Variants in DEPDC5 observed in about 807,000 individuals in gnomAD.
DEPDC5 encodes the protein DEP domain containing 5, GATOR1 subcomplex subunit.
In DEPDC5, 73 loss-of-function variants were observed where a neutral mutation model predicts 217.3. The observed-to-expected ratio is 0.34, with a 90% CI of 0.28 to 0.41. DEPDC5 has a LOEUF of 0.41. DEPDC5 is among the 10% of genes least tolerant of loss of function. The probability of loss-of-function intolerance (pLI) is 1.00; values close to 1 mark genes in which losing one functional copy is unlikely to be tolerated. For missense variants in DEPDC5, 1,675 were observed against 2,070.1 expected (o/e 0.81, Z 3.70); for synonymous variants, 733 against 756.7 (o/e 0.97, Z 0.51).
chr22:31,882,770 C>T (rs765400931), intron 38 of DEPDC5, among the ~76,000 whole-genome samples: 30 of 151,518 alleles, frequency 2.0e-4, no homozygotes, highest in Non-Finnish European at 4.0e-4. Context: ...TGTTCCTTCT[C>T]TTCTTTCTCC....
rs1346869002 is a variant in DEPDC5 at position 31,879,687 on chromosome 22, A to G, written c.3968A>G (p.Tyr1323Cys). The change falls in exon 38 of 43, where the codon TAT becomes TGT. Residue 1323 changes from tyrosine to cysteine, a missense_variant. Tyr to Cys is a radical substitution (Grantham distance 194). Transcript: ENST00000651528. ...LPWLPSRPAS[Y>C]ASRHSSFSRS... ...TGGCTGCCTAGCCGGCCAGCCTCCT[A>G]TGCAAGTAGGCACAGCTCCTTTAGC... 1.2e-6 allele frequency: 2 copies of G among 1,613,984 alleles called. No individual in the cohort carries two copies. The highest frequency in any genetic ancestry group is 1.7e-6 in the Non-Finnish European group (2 of 1,180,026).
intron 33 of DEPDC5, among the ~76,000 whole-genome samples, chr22:31,863,062 C>T (rs1367838571): frequency 6.6e-6 from 1 of 152,174 alleles, no homozygotes; most frequent in Non-Finnish European, 1.5e-5. Context: ...GTTGCCCAGG[C>T]TGGTCAACTC....
chr22:31,866,627 G>A (rs1229757304), intron 33 of DEPDC5, among the ~76,000 whole-genome samples: 2 of 151,978 alleles, frequency 1.3e-5, no homozygotes, highest in African/African-American at 2.4e-5. Flanking sequence ...CTTGTGATCC[G>A]CCCACCTCGG....
chr22:31,758,046 G>T (rs1311504122), intron 2 of DEPDC5, among the ~76,000 whole-genome samples: 2 of 152,188 alleles, frequency 1.3e-5, no homozygotes, highest in Non-Finnish European at 2.9e-5. Context: ...TTACAGGCAT[G>T]AGCCACTGCT....
At chr22:31,891,329 A>G (rs1037168010) in intron 38 of DEPDC5, 2 of 385,052 alleles carry the variant, frequency 5.2e-6, no homozygotes, top group Admixed American at 3.9e-5. Flanking sequence ...TTATCAACTC[A>G]TCCTTTCAGC....
At chr22:31,896,461 AT>A (rs1482080680) in intron 39 of DEPDC5, among the ~76,000 whole-genome samples, 1 of 151,632 alleles carries the variant, frequency 6.6e-6, no homozygotes, top group South Asian at 2.1e-4. Context: ...TCCCAACTCT[AT>A]TTTTTTGGAA....
At chr22:31,767,986 C>T (rs1002576019) in intron 6 of DEPDC5, among the ~76,000 whole-genome samples, 11 of 151,774 alleles carry the variant, frequency 7.2e-5, no homozygotes, top group Non-Finnish European at 1.3e-4. Context: ...ACCTCGTGAT[C>T]GTCCCATCTC....
At position 31,838,720 on chromosome 22, in the gene DEPDC5, A is replaced by G; in HGVS notation, c.2390A>G (p.Gln797Arg). The change falls in exon 27 of 43, where the codon CAG becomes CGG. Residue 797 changes from glutamine (Q) to arginine (R), a missense_variant. Around this residue, in one of 11 missense-constraint regions of DEPDC5, gnomAD observed 293 missense variants for 386.1 expected, o/e 0.76. Coordinates refer to ENST00000651528, the MANE Select transcript of DEPDC5 (RefSeq NM_001242896.3). ...DEDGVQMTAQQVFEEFICQRL... is the reference protein window; with the variant it reads ...DEDGVQMTAQRVFEEFICQRL... ...GATGGTGTGCAGATGACAGCCCAGC[A>G]GGTATTTGAAGAGTTTATTTGCCAA... 6.2e-7 allele frequency: 1 copy of G among 1,614,170 alleles called. No homozygotes were observed.
chr22:31,847,537 C>T lies in DEPDC5; in HGVS notation c.3155+570C>T, dbSNP rs142954047. Among the ~76,000 whole-genome samples, 36 of 152,306 alleles carry T rather than the reference C, an allele frequency of 2.4e-4. No individual in the cohort carries two copies. In the East Asian group the frequency reaches 6.6e-3, roughly 28 times the overall value. ...AGGGAAGCAAACACATCCTTCTTCA[C>T]ATGGCAGCAGCAAAAAGTGCAGAGT... On this transcript the variant is annotated intron_variant, in intron 31 of 42. Coordinates refer to ENST00000651528, the MANE Select transcript of DEPDC5 (RefSeq NM_001242896.3).
rs1163462300 is a variant in DEPDC5, at chr22:31,760,721, T to C, written c.193+19T>C. The C allele has an allele frequency of 1.9e-6, 3 of 1,588,694 alleles. No individual in the cohort carries two copies. Among genetic ancestry groups the C allele is most frequent in the African/African-American group, 2.7e-5 (2 of 73,792 alleles). ...CAGAAGGGTAAGAATTATATCACTCTTCTTAGAATTTTTTATTTACTGCCT... is the reference window on the plus strand; with the variant it reads ...CAGAAGGGTAAGAATTATATCACTCCTCTTAGAATTTTTTATTTACTGCCT... On this transcript the variant is annotated intron_variant, in intron 4 of 42. Transcript: ENST00000651528.
At chr22:31,825,699 C>T (rs2090091378) in intron 24 of DEPDC5, among the ~76,000 whole-genome samples, 1 of 152,200 alleles carries the variant, frequency 6.6e-6, no homozygotes, top group African/African-American at 2.4e-5. Context: ...GCTCTGTTCT[C>T]ATCCCTTCTG....
intron 7 of DEPDC5, among the ~76,000 whole-genome samples, chr22:31,775,983 G>A (rs564544254): frequency 1.4e-5 from 2 of 147,942 alleles, no homozygotes; most frequent in South Asian, 4.4e-4. Flanking sequence ...AGAGGTTGCA[G>A]TGAGCTGAGA....
chr22:31,783,507 C>G (rs1207294943), intron 8 of DEPDC5, among the ~76,000 whole-genome samples: 1 of 152,018 alleles, frequency 6.6e-6, no homozygotes. Context: ...CAAAAAAATA[C>G]AAAAATTTTG....
chr22:31,778,296 A>C (rs926366702), intron 8 of DEPDC5, 128 bp downstream of exon 8: 1 of 912,656 alleles, frequency 1.1e-6, no homozygotes, highest in African/African-American at 1.7e-5. Context: ...CCAGGAGTTC[A>C]AGACAAGCCT....
intron 15 of DEPDC5, 172 bp from the exon 16 acceptor site, chr22:31,803,990 A>C (rs2087181309): frequency 3.2e-6 from 2 of 620,238 alleles, no homozygotes; most frequent in Non-Finnish European, 5.6e-6. Flanking sequence ...GAGGAAACAG[A>C]CAAAATGAAT....
At chr22:31,787,250 T>A (rs142312600) in intron 10 of DEPDC5, among the ~76,000 whole-genome samples, 27 of 151,944 alleles carry the variant, frequency 1.8e-4, no homozygotes, top group Middle Eastern at 3.4e-3. Flanking sequence ...ACCTAGCTAA[T>A]TTTTTGTGTT....
chr22:31,853,712 T>C (rs2092145276), intron 31 of DEPDC5, among the ~76,000 whole-genome samples: 1 of 152,202 alleles, frequency 6.6e-6, no homozygotes, highest in Non-Finnish European at 1.5e-5. Flanking sequence ...CCCTGGAATC[T>C]TAGCTTTGTG....
intron 14 of DEPDC5, among the ~76,000 whole-genome samples, chr22:31,798,958 G>A (rs1323084850): frequency 2.6e-5 from 4 of 152,002 alleles, no homozygotes; most frequent in African/African-American, 4.8e-5. Flanking sequence ...ATGCTCTGCC[G>A]CAAGCACTCA....
intron 10 of DEPDC5, among the ~76,000 whole-genome samples, chr22:31,786,687 C>G (rs931129016): frequency 2.6e-5 from 4 of 151,676 alleles, no homozygotes; most frequent in African/African-American, 9.7e-5. Flanking sequence ...ATACTGTAAC[C>G]TGAAATTCCT....
Sources: allele counts gnomAD v4.1 joint callset (sites outside exome capture counted in the v4.1 genomes callset), GRCh38; gene constraint gnomAD v4.1.1; regional missense constraint gnomAD v4.1.1; transcripts MANE v1.5; gene names NCBI Gene and HGNC (gene_info 2026-07-23, HGNC 2026-07-21).